Variants in MEF2B observed in about 807,000 individuals in gnomAD.
MEF2B encodes the protein myocyte enhancer factor 2B.
A neutral mutation model predicts 32.2 loss-of-function variants in MEF2B; 15 were observed. The ratio of observed to expected loss-of-function variants is 0.47; its 90% CI spans 0.31 to 0.72. The LOEUF is 0.72. MEF2B is among the 30% of genes least tolerant of loss of function. The probability of loss-of-function intolerance (pLI) is 0.05; values close to 1 mark genes in which losing one functional copy is unlikely to be tolerated. For synonymous variants in MEF2B, 205 were observed against 225.6 expected, an observed-to-expected ratio of 0.91 and a Z score of 0.82; for missense variants, 441 against 511.5, an observed-to-expected ratio of 0.86 and a Z score of 1.33.
chr19:19,165,577 G>A (rs1723639058), intron 1 of MEF2B, among the ~76,000 whole-genome samples: 1 of 152,148 alleles, frequency 6.6e-6, no homozygotes, highest in African/African-American at 2.4e-5. Flanking sequence ...AGCCAGGAGT[G>A]GCCAGAGACA....
intron 1 of MEF2B, among the ~76,000 whole-genome samples, chr19:19,167,606 T>C (rs939321649): frequency 1.3e-5 from 2 of 152,104 alleles, no homozygotes; most frequent in Non-Finnish European, 2.9e-5. Flanking sequence ...TGCACCCAAG[T>C]TGGGGTGAGC....
At chr19:19,165,666 AG>A (rs1001736571) in intron 1 of MEF2B, among the ~76,000 whole-genome samples, 1 of 152,000 alleles carries the variant, frequency 6.6e-6, no homozygotes, top group African/African-American at 2.4e-5. Context: ...GTGTGTGAGG[AG>A]GGGGAGGACT....
At position 19,149,206 on chromosome 19, in the gene MEF2B, G is replaced by C. The variant is rs377574150; in HGVS notation, c.258+20C>G. On this transcript the variant is annotated intron_variant, in intron 3 of 8. Coordinates refer to ENST00000424583, the MANE Select transcript of MEF2B (RefSeq NM_001145785.2). ...GCGTGCACGGGGCCTTGTGGGGCTG[G>C]GGAGGAGGACCTGGGGTACCTCGAG... is the stretch of plus-strand genomic sequence containing the variant. 1,088 of 1,612,894 alleles carry C rather than the reference G, an allele frequency of 6.7e-4. 11 individuals carry two copies. In the South Asian group the frequency reaches 9.8e-3, roughly 15 times the overall value.
intron 2 of MEF2B, among the ~76,000 whole-genome samples, chr19:19,150,198 A>AGGAAGGAAGGAG (rs1160028068): frequency 2.4e-5 from 3 of 124,206 alleles, no homozygotes; most frequent in Non-Finnish European, 5.0e-5. Context: ...GAAGGAAGGA[A>AGGAAGGAAGGAG]GGAAGGAAGG....
intron 1 of MEF2B, among the ~76,000 whole-genome samples, chr19:19,151,443 G>A (rs2060078903): frequency 6.6e-6 from 1 of 152,070 alleles, no homozygotes; most frequent in Admixed American, 6.5e-5. Flanking sequence ...CCAGAAGGAG[G>A]AGACTGCTGG....
At position 19,146,621 on chromosome 19, in the gene MEF2B, G is replaced by A. The variant is rs775263101; in HGVS notation, c.703C>T (p.Pro235Ser). 59 of 1,611,586 alleles carry A rather than the reference G, an allele frequency of 3.7e-5. No homozygotes were observed. In the South Asian group the frequency reaches 5.8e-4, roughly 16 times the overall value. ...GGTCCGGGAGTTGCAGTGGAGCAGG[G>A]GTTCTGCAGGCCACTGTAGAGGCTT... ...SRSLYSGLQN[P>S]CSTATPGPPL... is the part of the protein sequence containing the mutation. The change falls in exon 7 of 9, where the codon CCC becomes TCC. Residue 235 changes from proline (P) to serine (S), a missense_variant. Around this residue, in one of 2 missense-constraint regions of MEF2B, gnomAD observed 326 missense variants for 328.4 expected, o/e 0.99. Coordinates refer to ENST00000424583, the MANE Select transcript of MEF2B (RefSeq NM_001145785.2).
chr19:19,146,047 G>T lies in MEF2B; in HGVS notation c.882-25C>A, dbSNP rs1480402976. The T allele has an allele frequency of 5.7e-6, 8 of 1,410,618 alleles. No individual in the cohort carries two copies. The African/African-American group carries it at 1.2e-4, about 21-fold the overall frequency. The allele number at this position is 1,410,618 out of a possible 1,614,324, so 87.4% of individuals were successfully genotyped here. On this transcript the variant is annotated intron_variant, in intron 8 of 8. Transcript: ENST00000424583. ...ACTGCAGGGGGAAAGAGAGAGGGAG[G>T]CCGTGAGCTCAGCGAGGAAGGGAAG... is the stretch of plus-strand genomic sequence containing the variant.
Position 19,145,585 on chromosome 19 carries a change from C to G in MEF2B, c.*212G>C. 1.7e-6 allele frequency: 2 copies of G among 1,179,090 alleles called. No homozygotes were observed. Among genetic ancestry groups the G allele is most frequent in the Non-Finnish European group, 2.3e-6 (2 of 857,738 alleles). 73.0% of individuals were successfully genotyped at this position (1,179,090 alleles called of 1,614,324 possible). ...CAGTCAGTCTGGTCCACGGACGCCACGCGCGTTTTATTTGTGGATATACAC... is the reference window on the plus strand; with the variant it reads ...CAGTCAGTCTGGTCCACGGACGCCAGGCGCGTTTTATTTGTGGATATACAC... On this transcript the variant is annotated 3_prime_UTR_variant, in exon 9 of 9. Transcript: ENST00000424583. This position sits in a 1 kb window ranked among gnomAD's most constrained non-coding sequence, Gnocchi z 4.6.
chr19:19,146,721 C>A (rs780064033), intron 6 of MEF2B, 21 bp downstream of exon 6: 1 of 1,613,936 alleles, frequency 6.2e-7, no homozygotes, highest in Non-Finnish European at 8.5e-7. Flanking sequence ...ATCAGCCCTG[C>A]CACACCCTCC....
intron 1 of MEF2B, among the ~76,000 whole-genome samples, chr19:19,157,845 G>C (rs2060130355): frequency 6.6e-6 from 1 of 151,860 alleles, no homozygotes; most frequent in Non-Finnish European, 1.5e-5. Context: ...GAGACTCTGT[G>C]TCAAAAAAAA....
At position 19,149,423 on chromosome 19, in the gene MEF2B, A is replaced by G; in HGVS notation, c.61T>C (p.Phe21Leu). The change falls in exon 3 of 9, where the codon TTC becomes CTC. Residue 21 changes from phenylalanine (F) to leucine (L), a missense_variant. Physicochemically the swap from Phe to Leu is conservative, Grantham distance 22 (BLOSUM62 0). Coordinates refer to ENST00000424583, the MANE Select transcript of MEF2B (RefSeq NM_001145785.2). ...ATCAGCCCGAACTTCCGCTTGGTGA[A>G]CGTCACCTGGACCCAGGACCCACAG... ...ILDQRNRQVT[F>L]TKRKFGLMKK... The G allele has an allele frequency of 6.2e-7, 1 of 1,613,974 alleles. No homozygotes were observed. Among genetic ancestry groups the G allele is most frequent in the Non-Finnish European group, 8.5e-7 (1 of 1,180,002 alleles).
chr19:19,155,453 A>G (rs1957530037), intron 1 of MEF2B, among the ~76,000 whole-genome samples: 1 of 152,210 alleles, frequency 6.6e-6, no homozygotes, highest in African/African-American at 2.4e-5. Context: ...TCCAGACTAA[A>G]AGCCCCTCTG....
rs147623287 is a variant in MEF2B, at chr19:19,154,643, C to A, written c.-29-3879G>T. Among the ~76,000 whole-genome samples the A allele has an allele frequency of 9.6e-4, 146 of 151,868 alleles. 1 individual carries two copies. Among genetic ancestry groups the A allele is most frequent in the Middle Eastern group, 3.4e-3 (1 of 294 alleles). ...ATTTTTAGTAGAGACAGGGTTTTGC[C>A]AAGTTGGCCAGGCTGATCTTGAACT... On this transcript the variant is annotated intron_variant, in intron 1 of 8. Coordinates refer to ENST00000424583, the MANE Select transcript of MEF2B (RefSeq NM_001145785.2).
rs117526729 is a variant in MEF2B, at chr19:19,149,553, G to A, written c.55-124C>T. On this transcript the variant is annotated intron_variant, in intron 2 of 8. Transcript: ENST00000424583. Reference sequence around the variant, plus strand: ...CCTCAGGATTCTTTCTGGCTGAGCTGGTAATTCTCATGTCACAACCTGGCA... The same window carrying A: ...CCTCAGGATTCTTTCTGGCTGAGCTAGTAATTCTCATGTCACAACCTGGCA... The A allele has an allele frequency of 4.2e-3, 5,506 of 1,321,372 alleles. 121 individuals are homozygous for A. In the East Asian group the frequency reaches 0.043, roughly 10 times the overall value. 81.9% of individuals were successfully genotyped at this position (1,321,372 alleles called of 1,614,324 possible).
At position 19,146,546 on chromosome 19, in the gene MEF2B, G is replaced by A. The variant is rs1404617496; in HGVS notation, c.769+9C>T. The A allele has an allele frequency of 6.5e-7, 1 of 1,547,204 alleles. No homozygotes were observed. Among genetic ancestry groups the A allele is most frequent in the African/African-American group, 1.4e-5 (1 of 72,550 alleles). On this transcript the variant is annotated intron_variant, in intron 7 of 8. Coordinates refer to ENST00000424583, the MANE Select transcript of MEF2B (RefSeq NM_001145785.2). ...TCCCAGGTGGGGCAGGGCAGGTTAGGGGATGTACCTGGGGGGCCTCCGGGG... is the reference window on the plus strand; with the variant it reads ...TCCCAGGTGGGGCAGGGCAGGTTAGAGGATGTACCTGGGGGGCCTCCGGGG...
At chr19:19,151,919 T>C (rs2060084327) in intron 1 of MEF2B, among the ~76,000 whole-genome samples, 2 of 151,004 alleles carry the variant, frequency 1.3e-5, no homozygotes, top group South Asian at 4.2e-4. Flanking sequence ...GATCAGGAGT[T>C]CGAGACCAGC....
intron 1 of MEF2B, among the ~76,000 whole-genome samples, chr19:19,166,518 G>A (rs2060209187): frequency 1.3e-5 from 2 of 151,718 alleles, no homozygotes; most frequent in African/African-American, 2.4e-5. Context: ...CACTTTGGGA[G>A]GCCGAGGCAG....
chr19:19,164,670 C>T lies in MEF2B; in HGVS notation c.-30+5535G>A, dbSNP rs572834828. Among the ~76,000 whole-genome samples, 18 of 152,282 alleles carry T rather than the reference C, an allele frequency of 1.2e-4. No homozygotes were observed. The East Asian group carries it at 1.5e-3, about 13-fold the overall frequency. ...CTCTACTGAAAATACAAAAATTAGC[C>T]GGGCATGATGGCGGGCGCCTGTAAT... On this transcript the variant is annotated intron_variant, in intron 1 of 8. Transcript: ENST00000424583.
rs1028670843 is a variant in MEF2B, at chr19:19,161,957, G to A, written c.-30+8248C>T. On this transcript the variant is annotated intron_variant, in intron 1 of 8. Coordinates refer to ENST00000424583, the MANE Select transcript of MEF2B (RefSeq NM_001145785.2). ...CCAGTAGCTGGGATTACAGCCATGC[G>A]CTACCACACCCAGCTAATGTTTGTA... Among the ~76,000 whole-genome samples the A allele has an allele frequency of 7.2e-5, 11 of 151,756 alleles. No individual in the cohort carries two copies. The East Asian group carries it at 1.4e-3, about 19-fold the overall frequency.
Sources: gnomAD v4.1 joint callset for allele counts (sites outside exome capture counted in the v4.1 genomes callset) on GRCh38, gnomAD v4.1.1 for gene constraint, gnomAD v4.1.1 regional missense constraint, Gnocchi (gnomAD v3.1) non-coding constraint, MANE v1.5 for transcripts, NCBI Gene and HGNC (gene_info 2026-07-23, HGNC 2026-07-21) for gene names.